The following C17orf67 variants were observed in gnomAD, a reference collection of about 807,000 sequenced individuals.
C17orf67 encodes the protein uncharacterized protein C17orf67.
A neutral mutation model predicts 11.2 loss-of-function variants in C17orf67; 12 were observed. The ratio of observed to expected loss-of-function variants is 1.07; its 90% CI spans 0.68 to 1.73. C17orf67 has a LOEUF of 1.73. Ranked by LOEUF, C17orf67 falls within the 40% of genes most tolerant of loss-of-function variation. The pLI, the probability that C17orf67 is intolerant of heterozygous loss-of-function variation, is 0.00. For synonymous variants in C17orf67, 59 were observed against 46.9 expected (o/e 1.26, Z -1.05); for missense variants, 115 against 113.5 (o/e 1.01, Z -0.06).
intron 6 of C17orf67, among the ~76,000 whole-genome samples, chr17:56,806,446 C>T (rs1441812115): frequency 1.3e-5 from 2 of 152,180 alleles, no homozygotes; most frequent in Non-Finnish European, 2.9e-5. Flanking sequence ...TACAGTTAAA[C>T]GTCAACTGAT....
chr17:56,818,429 G>A (rs561981346), intron 4 of C17orf67, among the ~76,000 whole-genome samples: 4 of 152,110 alleles, frequency 2.6e-5, no homozygotes, highest in African/African-American at 4.8e-5. Flanking sequence ...GGATTCCAAG[G>A]TCAGAGGATC....
At chr17:56,799,503 A>G (rs3853823) in intron 6 of C17orf67, among the ~76,000 whole-genome samples, 118,469 of 152,186 alleles carry the variant, frequency 0.78, 46,234 homozygotes, top group Middle Eastern at 0.85. Context: ...TTGCTTCCAA[A>G]TTGGAGTAAT....
intron 6 of C17orf67, among the ~76,000 whole-genome samples, chr17:56,799,984 G>GGA (rs1555590469): frequency 3.1e-4 from 43 of 140,368 alleles, no homozygotes; most frequent in African/African-American, 9.5e-4. Flanking sequence ...TTAAAGTCAT[G>GGA]AAAAAAAAAA....
intron 4 of C17orf67, 130 bp from the exon 5 acceptor site, chr17:56,816,140 G>A (rs958433917): frequency 8.3e-6 from 2 of 241,858 alleles, no homozygotes; most frequent in Admixed American, 9.3e-5. Context: ...TTTCTCTGGA[G>A]CTTCCATTTA....
intron 2 of C17orf67, among the ~76,000 whole-genome samples, chr17:56,826,019 A>G (rs1839111402): frequency 6.6e-6 from 1 of 152,064 alleles, no homozygotes; most frequent in Non-Finnish European, 1.5e-5. Flanking sequence ...CAGTGGCACA[A>G]TCTCGGCTCA....
At chr17:56,801,730 G>A (rs1279371021) in intron 6 of C17orf67, among the ~76,000 whole-genome samples, 1 of 152,202 alleles carries the variant, frequency 6.6e-6, no homozygotes, top group Non-Finnish European at 1.5e-5. Flanking sequence ...ATTTGGGGCT[G>A]AGTTCCTTCC....
rs1179464595 is a variant in C17orf67 at position 56,792,028 on chromosome 17, T to C, written c.*345A>G. 1.3e-5 allele frequency: 2 copies of C among 152,152 alleles called. No homozygotes were observed. Among genetic ancestry groups the C allele is most frequent in the African/African-American group, 4.8e-5 (2 of 41,444 alleles). 9.4% of individuals were successfully genotyped at this position (152,152 alleles called of 1,614,324 possible). On this transcript the variant is annotated 3_prime_UTR_variant, in exon 8 of 8. Transcript: ENST00000397861. ...CTACTCTGAACAAGGATTCCCCAAA[T>C]TCCTTAGGGCAGGCAGCCTGCCCCA... is the stretch of plus-strand genomic sequence containing the variant.
chr17:56,798,056 C>T (rs1490234996), intron 6 of C17orf67, among the ~76,000 whole-genome samples: 1 of 152,098 alleles, frequency 6.6e-6, no homozygotes, highest in Non-Finnish European at 1.5e-5. Flanking sequence ...GAAGGTGGTT[C>T]ATCATATCTC....
intron 4 of C17orf67, among the ~76,000 whole-genome samples, chr17:56,822,004 A>G (rs542980628): frequency 9.8e-5 from 15 of 152,372 alleles, no homozygotes; most frequent in Middle Eastern, 3.4e-3. Context: ...CATGCAAAGT[A>G]GCTAAGAAAG....
intron 2 of C17orf67, among the ~76,000 whole-genome samples, chr17:56,830,073 G>A (rs1906150833): frequency 6.6e-6 from 1 of 152,132 alleles, no homozygotes; most frequent in Non-Finnish European, 1.5e-5. Context: ...GCCGGGCGTG[G>A]TGGCTCACAC....
intron 6 of C17orf67, among the ~76,000 whole-genome samples, chr17:56,798,538 T>C (rs3867601): frequency 0.12 from 18,099 of 152,020 alleles, 1,171 homozygotes; most frequent in South Asian, 0.16. Flanking sequence ...ATTACACAAA[T>C]GCATGGCAGT....
chr17:56,796,773 C>A (rs576381778), intron 6 of C17orf67, among the ~76,000 whole-genome samples: 18 of 152,102 alleles, frequency 1.2e-4, no homozygotes, highest in Non-Finnish European at 2.6e-4. Context: ...ACTCCTCACC[C>A]CTCTCTCTGT....
chr17:56,801,816 GAAC>G lies in C17orf67; in HGVS notation c.157-6639_157-6637del, dbSNP rs141359072. 5.3e-5 allele frequency among the ~76,000 whole-genome samples: 8 copies of G among 152,290 alleles called. 1 individual carries two copies. The highest frequency in any genetic ancestry group is 1.0e-4 in the Non-Finnish European group (7 of 68,022). The stretch of plus-strand genomic sequence containing the variant: ...GGCCGTGTGCAGTCTTGTAAATAAG[GAAC>G]AACAAGTTCCCAGCATATAACTTTA... On this transcript the variant is annotated intron_variant, in intron 6 of 7. Coordinates refer to ENST00000397861, the MANE Select transcript of C17orf67 (RefSeq NM_001085430.4).
At chr17:56,796,402 G>T (rs1905214364) in intron 6 of C17orf67, among the ~76,000 whole-genome samples, 1 of 152,176 alleles carries the variant, frequency 6.6e-6, no homozygotes, top group African/African-American at 2.4e-5. Context: ...CAACATGGAT[G>T]AACCTTGAGA....
intron 6 of C17orf67, among the ~76,000 whole-genome samples, chr17:56,798,625 C>T (rs1905255995): frequency 1.3e-5 from 2 of 151,460 alleles, no homozygotes. Context: ...CTCTGGAGTT[C>T]GAGACCAGCC....
At chr17:56,800,168 C>T (rs1192733417) in intron 6 of C17orf67, among the ~76,000 whole-genome samples, 3 of 148,444 alleles carry the variant, frequency 2.0e-5, no homozygotes, top group Non-Finnish European at 3.0e-5. Context: ...CGGGTTCACG[C>T]CATTCTCCTG....
In C17orf67 at chr17:56,815,830, C is replaced by T; in HGVS notation, c.-20G>A. 1 of 1,613,804 alleles carries T rather than the reference C, an allele frequency of 6.2e-7. No individual in the cohort carries two copies. On this transcript the variant is annotated 5_prime_UTR_variant, in exon 5 of 8. Coordinates refer to ENST00000397861, the MANE Select transcript of C17orf67 (RefSeq NM_001085430.4). Reference sequence around the variant, plus strand: ...CTTCATCCTGCCTTGGTTCCTCTGCCTCTTGCTGAGTGAATCCTCCCAGAC... The same window carrying T: ...CTTCATCCTGCCTTGGTTCCTCTGCTTCTTGCTGAGTGAATCCTCCCAGAC...
intron 6 of C17orf67, among the ~76,000 whole-genome samples, chr17:56,805,815 T>C (rs1905432781): frequency 6.6e-6 from 1 of 152,032 alleles, no homozygotes. Flanking sequence ...ACAAATAGAT[T>C]ATAATAATAT....
At position 56,792,202 on chromosome 17, in the gene C17orf67, G is replaced by C. The variant is rs1422647946; in HGVS notation, c.*171C>G. The C allele has an allele frequency of 6.6e-6, 1 of 152,206 alleles. No homozygotes were observed. The highest frequency in any genetic ancestry group is 1.9e-4 in the East Asian group (1 of 5,202). The allele number at this position is 152,206 out of a possible 1,614,324, so 9.4% of individuals were successfully genotyped here. On this transcript the variant is annotated 3_prime_UTR_variant, in exon 8 of 8. Transcript: ENST00000397861. ...CTATGCAGGTTAGTAAAATGAAGCAGTATATATATTTGCCATTTCCAAGGC... is the reference window on the plus strand; with the variant it reads ...CTATGCAGGTTAGTAAAATGAAGCACTATATATATTTGCCATTTCCAAGGC...
Sources: allele counts gnomAD v4.1 joint callset (sites outside exome capture counted in the v4.1 genomes callset), GRCh38; gene constraint gnomAD v4.1.1; transcripts MANE v1.5; gene names NCBI Gene and HGNC (gene_info 2026-07-23, HGNC 2026-07-21).